The following TRIB3 variants were observed in gnomAD, a reference collection of about 807,000 sequenced individuals.
TRIB3 encodes tribbles homolog 3.
TRIB3 carries 20 observed loss-of-function variants against 16.6 expected under a neutral mutation model. That is an observed-to-expected ratio of 1.20 (90% CI 0.85 to 1.75). The LOEUF is 1.75. Ranked by LOEUF, TRIB3 falls within the 40% of genes most tolerant of loss-of-function variation. The pLI is 0.00. For missense variants in TRIB3, 484 were observed against 488.9 expected, an observed-to-expected ratio of 0.99 and a Z score of 0.10; for synonymous variants, 208 against 217.0, an observed-to-expected ratio of 0.96 and a Z score of 0.36.
Position 380,838 on chromosome 20 carries a change from G to A in TRIB3, c.-332G>A, listed in dbSNP as rs1182155653. 6.6e-6 allele frequency: 1 copy of A among 152,268 alleles called. No homozygotes were observed. Among genetic ancestry groups the A allele is most frequent in the East Asian group, 1.9e-4 (1 of 5,180 alleles). 9.4% of individuals were successfully genotyped at this position (152,268 alleles called of 1,614,324 possible). On this transcript the variant is annotated 5_prime_UTR_variant, in exon 1 of 4. Coordinates refer to ENST00000217233, the MANE Select transcript of TRIB3 (RefSeq NM_021158.5). ...GAGAGAGGCCCGGGCGCGGCGCGGG[G>A]GATGGTGCGATCCCGGGCCCGAGGG...
Position 396,684 on chromosome 20 carries a change from T to C in TRIB3, c.1071T>C (p.Tyr357=). 1.2e-6 allele frequency: 2 copies of C among 1,607,050 alleles called. No homozygotes were observed. Among genetic ancestry groups the C allele is most frequent in the South Asian group, 1.1e-5 (1 of 90,642 alleles). ...AGGGAGACAGAGAAGTGGTTCTGTA[T>C]GGCTAGGACCACCCTACTACACGCT... ...EEEGDREVVL[Y]G is the part of the protein sequence containing the mutation. Residue 357 remains tyrosine, a synonymous_variant, in exon 4 of 4, where the codon TAT becomes TAC. Transcript: ENST00000217233.
At chr20:382,128 CGT>C (rs1353626192) in intron 1 of TRIB3, among the ~76,000 whole-genome samples, 3,131 of 70,200 alleles carry the variant, frequency 0.045, 42 homozygotes, top group Non-Finnish European at 0.072. Context: ...TGTGTGTGTG[CGT>C]GCGCGCGCGC....
intron 2 of TRIB3, among the ~76,000 whole-genome samples, chr20:391,065 C>T (rs2122691247): frequency 6.7e-6 from 1 of 150,220 alleles, no homozygotes; most frequent in South Asian, 2.1e-4. Flanking sequence ...CTCAGCCGTG[C>T]TGTTTGCTGG....
At chr20:381,943 T>C (rs2014666539) in intron 1 of TRIB3, among the ~76,000 whole-genome samples, 2 of 151,866 alleles carry the variant, frequency 1.3e-5, no homozygotes, top group African/African-American at 4.8e-5. Flanking sequence ...CCCCCTCCTG[T>C]CCCAGGGCCG....
Position 384,735 on chromosome 20 carries a change from C to T in TRIB3, c.1-3276C>T, listed in dbSNP as rs150216851. On this transcript the variant is annotated intron_variant, in intron 1 of 3. Transcript: ENST00000217233. ...CCTGACAACTCCATGTGTCAGGGAC[C>T]TAGGCTCCTCTCTTGCTCTACTGTA... Among the ~76,000 whole-genome samples, 330 of 152,278 alleles carry T rather than the reference C, an allele frequency of 2.2e-3. 1 individual carries two copies. Among genetic ancestry groups the T allele is most frequent in the Admixed American group, 5.4e-3 (82 of 15,290 alleles).
At chr20:387,783 G>A (rs1354565149) in intron 1 of TRIB3, among the ~76,000 whole-genome samples, 1 of 152,150 alleles carries the variant, frequency 6.6e-6, no homozygotes, top group Non-Finnish European at 1.5e-5. Flanking sequence ...TTGGACACAA[G>A]GCTCTGATGA....
rs2014619264 is a variant in TRIB3, at chr20:380,918, CTCCGGTTTGCATCACCCGGACCGGGGGAT to C, written c.-250_-222del. Reference sequence around the variant, plus strand: ...TGCATCACCCGGACCGGGGGATTAGCTCCGGTTTGCATCACCCGGACCGGGGGATTAGCTCCGGTTTGCATCACCCGGAC... The same window carrying C: ...TGCATCACCCGGACCGGGGGATTAGCTAGCTCCGGTTTGCATCACCCGGAC... On this transcript the variant is annotated 5_prime_UTR_variant, in exon 1 of 4. An upstream open reading frame in the 5' UTR gains an earlier in-frame stop. Coordinates refer to ENST00000217233, the MANE Select transcript of TRIB3 (RefSeq NM_021158.5). The C allele has an allele frequency of 6.7e-6, 1 of 149,952 alleles. No homozygotes were observed. Among genetic ancestry groups the C allele is most frequent in the African/African-American group, 2.5e-5 (1 of 39,656 alleles). The allele number at this position is 149,952 out of a possible 1,614,324, so 9.3% of individuals were successfully genotyped here.
intron 1 of TRIB3, 97 bp from the exon 2 acceptor site, chr20:387,914 C>T: frequency 1.4e-6 from 2 of 1,392,554 alleles, no homozygotes; most frequent in South Asian, 1.3e-5. Context: ...GCCAGATCAC[C>T]CCCTATAAAT....
Sources: gnomAD v4.1 joint callset for allele counts (sites outside exome capture counted in the v4.1 genomes callset) on GRCh38, gnomAD v4.1.1 for gene constraint, MANE v1.5 for transcripts, NCBI Gene and HGNC (gene_info 2026-07-23, HGNC 2026-07-21) for gene names.